Variants in SLC16A14 observed in about 807,000 individuals in gnomAD.
SLC16A14 encodes solute carrier family 16 member 14, also known as monocarboxylate transporter 14.
In SLC16A14, 14 loss-of-function variants were observed where a neutral mutation model predicts 35.8. The ratio of observed to expected loss-of-function variants is 0.39; its 90% CI spans 0.26 to 0.61. The LOEUF is 0.61. SLC16A14 is among the 20% of genes least tolerant of loss of function. The pLI, the probability that SLC16A14 is intolerant of heterozygous loss-of-function variation, is 0.51. For missense variants in SLC16A14, 533 were observed against 655.0 expected, an observed-to-expected ratio of 0.81 and a Z score of 2.03; for synonymous variants, 248 against 258.9, an observed-to-expected ratio of 0.96 and a Z score of 0.40.
intron 3 of SLC16A14, among the ~76,000 whole-genome samples, chr2:230,049,407 A>G (rs914721243): frequency 2.0e-5 from 3 of 152,156 alleles, no homozygotes; most frequent in Admixed American, 1.3e-4. Flanking sequence ...CCCACACCAC[A>G]CTGATGTAAT....
chr2:230,046,840 C>T lies in SLC16A14; in HGVS notation c.404-118G>A. On this transcript the variant is annotated intron_variant, in intron 3 of 4. Transcript: ENST00000295190. This position sits in a 1 kb window ranked among gnomAD's most constrained non-coding sequence, Gnocchi z 5.0. The stretch of plus-strand genomic sequence containing the variant: ...TAGCATCTATTTATGCTTTTTATTT[C>T]TAACAAAGCAATAACACTGATTATT... 1 of 1,206,694 alleles carries T rather than the reference C, an allele frequency of 8.3e-7. No homozygotes were observed. The highest frequency in any genetic ancestry group is 1.1e-6 in the Non-Finnish European group (1 of 891,504). The allele number at this position is 1,206,694 out of a possible 1,614,324, so 74.7% of individuals were successfully genotyped here.
At chr2:230,058,637 T>A (rs1342454446) in intron 2 of SLC16A14, among the ~76,000 whole-genome samples, 1 of 144,610 alleles carries the variant, frequency 6.9e-6, no homozygotes, top group African/African-American at 2.6e-5. Context: ...ATGGTAAAAT[T>A]ATTTTTTTTT....
At chr2:230,043,308 A>G (rs2077574765) in intron 4 of SLC16A14, among the ~76,000 whole-genome samples, 1 of 152,224 alleles carries the variant, frequency 6.6e-6, no homozygotes, top group African/African-American at 2.4e-5. Context: ...TGTCCGCTGT[A>G]CAGGCAAAAA....
chr2:230,049,300 G>A (rs1025827104), intron 3 of SLC16A14, among the ~76,000 whole-genome samples: 1 of 149,384 alleles, frequency 6.7e-6, no homozygotes, highest in African/African-American at 2.5e-5. Flanking sequence ...GGCTGGTCTC[G>A]AACTCCTGGC....
intron 2 of SLC16A14, among the ~76,000 whole-genome samples, chr2:230,057,506 G>A (rs555338172): frequency 6.6e-6 from 1 of 152,180 alleles, no homozygotes; most frequent in South Asian, 2.1e-4. Flanking sequence ...CAGTGGCTCA[G>A]GCCTGTAATT....
At chr2:230,052,253 A>G (rs905829913) in intron 2 of SLC16A14, among the ~76,000 whole-genome samples, 3 of 152,144 alleles carry the variant, frequency 2.0e-5, no homozygotes, top group Non-Finnish European at 4.4e-5. Context: ...CTTTATATAA[A>G]TGTTATTTGT....
At chr2:230,053,787 A>C (rs1336005995) in intron 2 of SLC16A14, among the ~76,000 whole-genome samples, 2 of 152,120 alleles carry the variant, frequency 1.3e-5, no homozygotes, top group Admixed American at 6.6e-5. Flanking sequence ...TCTAAAAAAA[A>C]AAGTGTCCCA....
intron 2 of SLC16A14, among the ~76,000 whole-genome samples, chr2:230,050,957 C>G (rs1409448290): frequency 6.6e-6 from 1 of 152,116 alleles, no homozygotes; most frequent in African/African-American, 2.4e-5. Flanking sequence ...AGATTGAAAC[C>G]AAGCTGAAAA....
intron 1 of SLC16A14, among the ~76,000 whole-genome samples, chr2:230,067,557 T>TCC (rs1315418737): frequency 9.9e-5 from 4 of 40,492 alleles, no homozygotes; most frequent in Non-Finnish European, 7.3e-5. Context: ...TCTCTCTCTC[T>TCC]CTCTCTCTCT....
At chr2:230,062,348 CTTTT>C (rs374870184) in intron 1 of SLC16A14, among the ~76,000 whole-genome samples, 4 of 127,670 alleles carry the variant, frequency 3.1e-5, no homozygotes, top group African/African-American at 8.7e-5. Flanking sequence ...TTGTTTTTAC[CTTTT>C]TTTTTTTTTT....
chr2:230,056,879 TAAAAAA>T (rs60620443), intron 2 of SLC16A14, among the ~76,000 whole-genome samples: 11 of 95,496 alleles, frequency 1.2e-4, no homozygotes, highest in Middle Eastern at 5.3e-3. Context: ...CTACAAAAAG[TAAAAAA>T]AAAAAAAAAA....
In SLC16A14 at chr2:230,054,233, C is replaced by A. The variant is rs58874965; in HGVS notation, c.260-4329G>T. 6.6e-5 allele frequency among the ~76,000 whole-genome samples: 10 copies of A among 152,278 alleles called. No individual in the cohort carries two copies. The East Asian group carries it at 1.7e-3, about 26-fold the overall frequency. ...GGCATCCCCCAAGAATGATTCAGAG[C>A]TAGCCTCACAAAGGCTGCTGTAGAT... is the stretch of plus-strand genomic sequence containing the variant. On this transcript the variant is annotated intron_variant, in intron 2 of 4. Transcript: ENST00000295190.
intron 2 of SLC16A14, among the ~76,000 whole-genome samples, chr2:230,057,247 C>A (rs1281828666): frequency 4.6e-5 from 7 of 152,066 alleles, no homozygotes; most frequent in Admixed American, 4.6e-4. Context: ...ATCATAGATG[C>A]TTATTCAATA....
intron 4 of SLC16A14, among the ~76,000 whole-genome samples, chr2:230,037,880 C>T (rs113095904): frequency 0.014 from 2,205 of 152,244 alleles, 46 homozygotes; most frequent in African/African-American, 0.05. Flanking sequence ...CGCACAAGGC[C>T]AGCAGTGAAA....
intron 1 of SLC16A14, among the ~76,000 whole-genome samples, chr2:230,060,962 A>G (rs6728066): frequency 0.48 from 72,289 of 151,960 alleles, 17,864 homozygotes; most frequent in African/African-American, 0.57. Flanking sequence ...TGAGGAGGGC[A>G]GAGGTTGTGT....
At position 230,046,136 on chromosome 2, in the gene SLC16A14, A is replaced by G; in HGVS notation, c.990T>C (p.Phe330=). ...CTGGGAGGTGAATGAAGGGGATGACAAAGCTGCTGTATGCAAACAAAGCCC... is the reference window on the plus strand; with the variant it reads ...CTGGGAGGTGAATGAAGGGGATGACGAAGCTGCTGTATGCAAACAAAGCCC... The part of the protein sequence containing the change: ...IFWALFAYSS[F]VIPFIHLPEI... The change falls in exon 4 of 5, where the codon TTT becomes TTC. Residue 330 remains phenylalanine, a synonymous_variant. Transcript: ENST00000295190. The surrounding 1 kb of genome is among the most constrained non-coding windows in gnomAD (Gnocchi z 5.0). 1 of 1,613,932 alleles carries G rather than the reference A, an allele frequency of 6.2e-7. No individual in the cohort carries two copies. The highest frequency in any genetic ancestry group is 8.5e-7 in the Non-Finnish European group (1 of 1,179,746).
chr2:230,042,142 T>G (rs1360603710), intron 4 of SLC16A14, among the ~76,000 whole-genome samples: 1 of 152,258 alleles, frequency 6.6e-6, no homozygotes, highest in East Asian at 1.9e-4. Flanking sequence ...TAGCAGCATA[T>G]GATACGCATC....
chr2:230,048,520 A>G (rs535450999), intron 3 of SLC16A14, among the ~76,000 whole-genome samples: 2 of 152,244 alleles, frequency 1.3e-5, no homozygotes, highest in Non-Finnish European at 2.9e-5. Flanking sequence ...AGCCAATATT[A>G]ACCTGTTCAC....
At chr2:230,066,732 T>A in intron 1 of SLC16A14, 1 of 392,988 alleles carries the variant, frequency 2.5e-6, no homozygotes, top group Non-Finnish European at 4.9e-6. Flanking sequence ...CCTCCCGAGT[T>A]CAAGCGATTC....
Sources: gnomAD v4.1 joint callset for allele counts (sites outside exome capture counted in the v4.1 genomes callset) on GRCh38, gnomAD v4.1.1 for gene constraint, Gnocchi (gnomAD v3.1) non-coding constraint, MANE v1.5 for transcripts, NCBI Gene and HGNC (gene_info 2026-07-23, HGNC 2026-07-21) for gene names.